The following ESRRG variants were observed in gnomAD, a reference collection of about 807,000 sequenced individuals.
The protein encoded by ESRRG is estrogen-related receptor gamma.
A neutral mutation model predicts 44.0 loss-of-function variants in ESRRG; 13 were observed. The observed-to-expected ratio is 0.30, with a 90% confidence interval of 0.19 to 0.47. The LOEUF (loss-of-function observed/expected upper bound fraction) is 0.47. ESRRG is among the 20% of genes least tolerant of loss of function. ESRRG has a pLI of 1.00. For synonymous variants in ESRRG, 215 were observed against 214.6 expected (o/e 1.00, Z -0.02); for missense variants, 395 against 580.6 (o/e 0.68, Z 3.29).
intron 1 of ESRRG, chr1:216,714,549 T>C (rs2084381674): frequency 1.0e-6 from 1 of 974,746 alleles, no homozygotes. Context: ...AAAGCAAGGC[T>C]GTCACATATG....
intron 2 of ESRRG, among the ~76,000 whole-genome samples, chr1:216,874,008 T>G (rs1166378086): frequency 7.8e-3 from 58 of 7,398 alleles, no homozygotes; most frequent in African/African-American, 0.011. Flanking sequence ...AGGGAGGGAG[T>G]GGGTTGGGAG....
intron 1 of ESRRG, among the ~76,000 whole-genome samples, chr1:217,097,461 G>T (rs2092440293): frequency 6.6e-6 from 1 of 152,118 alleles, no homozygotes; most frequent in Admixed American, 6.6e-5. Flanking sequence ...ATATGTAAAT[G>T]CTCAATACCA....
At chr1:216,602,519 T>G (rs1430391991) in intron 3 of ESRRG, among the ~76,000 whole-genome samples, 1 of 152,226 alleles carries the variant, frequency 6.6e-6, no homozygotes, top group Non-Finnish European at 1.5e-5. Context: ...TGAACTATTG[T>G]GTCAGTTTAA....
chr1:216,844,293 G>A (rs2095703056), intron 2 of ESRRG, among the ~76,000 whole-genome samples: 1 of 152,126 alleles, frequency 6.6e-6, no homozygotes, highest in East Asian at 1.9e-4. Flanking sequence ...GGTATTGTCA[G>A]TATATTTTAA....
At chr1:216,568,947 G>A (rs189366264) in intron 3 of ESRRG, among the ~76,000 whole-genome samples, 106 of 151,968 alleles carry the variant, frequency 7.0e-4, no homozygotes, top group African/African-American at 2.5e-3. Flanking sequence ...CCAGCTACTC[G>A]GGAGTCTGAG....
chr1:216,846,064 G>T (rs2095741429), intron 2 of ESRRG, among the ~76,000 whole-genome samples: 1 of 152,072 alleles, frequency 6.6e-6, no homozygotes, highest in Non-Finnish European at 1.5e-5. Flanking sequence ...AAACACAGTA[G>T]CAAATTTAAA....
chr1:217,017,191 G>A (rs544681963), intron 1 of ESRRG, among the ~76,000 whole-genome samples: 1 of 152,210 alleles, frequency 6.6e-6, no homozygotes, highest in African/African-American at 2.4e-5. Flanking sequence ...CTATCTTGTG[G>A]AGTAGAGTGT....
chr1:216,923,739 A>C (rs1172356558), intron 2 of ESRRG, among the ~76,000 whole-genome samples: 1 of 152,110 alleles, frequency 6.6e-6, no homozygotes, highest in Admixed American at 6.6e-5. Context: ...ACACTGCTGC[A>C]TTTTTCAGGC....
chr1:216,988,295 ATTAC>A (rs1385114932), intron 1 of ESRRG, among the ~76,000 whole-genome samples: 1 of 152,192 alleles, frequency 6.6e-6, no homozygotes, highest in African/African-American at 2.4e-5. Flanking sequence ...AGGGTGAGAA[ATTAC>A]TTACCATCAG....
At chr1:217,067,552 A>T (rs972915419) in intron 1 of ESRRG, among the ~76,000 whole-genome samples, 3 of 152,216 alleles carry the variant, frequency 2.0e-5, no homozygotes, top group African/African-American at 7.2e-5. Context: ...TCTGCCAGTA[A>T]CATACAGTAT....
chr1:216,671,065 C>T (rs1286468234), intron 2 of ESRRG, among the ~76,000 whole-genome samples: 1 of 152,086 alleles, frequency 6.6e-6, no homozygotes, highest in Admixed American at 6.5e-5. Flanking sequence ...TGTCCTAGGT[C>T]CTGCAATGTT....
chr1:216,573,829 A>C (rs2061251986), intron 3 of ESRRG, among the ~76,000 whole-genome samples: 1 of 152,084 alleles, frequency 6.6e-6, no homozygotes. Flanking sequence ...TAGAGAATTC[A>C]TAATTATCTA....
At chr1:216,568,863 C>T (rs1209087658) in intron 3 of ESRRG, among the ~76,000 whole-genome samples, 2 of 151,856 alleles carry the variant, frequency 1.3e-5, no homozygotes, top group Non-Finnish European at 2.9e-5. Flanking sequence ...GAGACCAGAC[C>T]AACCAACATG....
chr1:216,598,787 T>A (rs545150828), intron 3 of ESRRG, among the ~76,000 whole-genome samples: 1 of 152,100 alleles, frequency 6.6e-6, no homozygotes, highest in Admixed American at 6.6e-5. Flanking sequence ...AAGCTATTTG[T>A]ATACCTCATC....
intron 1 of ESRRG, among the ~76,000 whole-genome samples, chr1:216,942,880 T>C (rs931723690): frequency 1.1e-4 from 16 of 152,144 alleles, no homozygotes; most frequent in Non-Finnish European, 2.1e-4. Context: ...CTTTTGATAG[T>C]TCTTTTGCTG....
At chr1:216,971,778 C>G (rs1183268401) in intron 1 of ESRRG, among the ~76,000 whole-genome samples, 10 of 152,192 alleles carry the variant, frequency 6.6e-5, no homozygotes, top group African/African-American at 2.2e-4. Flanking sequence ...TCAAAACACA[C>G]ACACATAAAA....
intron 5 of ESRRG, 110 bp downstream of exon 5, chr1:216,564,109 G>T (rs560913808): frequency 5.5e-6 from 3 of 548,544 alleles, no homozygotes; most frequent in East Asian, 6.3e-5. Context: ...TAAATGTAAA[G>T]GGTTTTTTTA....
chr1:216,783,443 ATTTT>A (rs1208979143), intron 2 of ESRRG, among the ~76,000 whole-genome samples: 1 of 152,098 alleles, frequency 6.6e-6, no homozygotes, highest in African/African-American at 2.4e-5. Context: ...TACAGTTTCA[ATTTT>A]TTTATCTTTA....
intron 2 of ESRRG, among the ~76,000 whole-genome samples, chr1:216,820,881 T>C (rs1236136539): frequency 2.0e-5 from 3 of 152,246 alleles, no homozygotes; most frequent in East Asian, 1.9e-4. Flanking sequence ...TTCCCTTTCC[T>C]ATGAAAGCAT....
Sources: gnomAD v4.1 joint callset for allele counts (sites outside exome capture counted in the v4.1 genomes callset) on GRCh38, gnomAD v4.1.1 for gene constraint, MANE v1.5 for transcripts, NCBI Gene and HGNC (gene_info 2026-07-23, HGNC 2026-07-21) for gene names.